The following RPH3AL variants were observed in gnomAD, a reference collection of about 807,000 sequenced individuals.
The protein encoded by RPH3AL is rabphilin 3A like (without C2 domains).
In RPH3AL, 38 loss-of-function variants were observed where a neutral mutation model predicts 43.1. The observed-to-expected ratio is 0.88, with a 90% CI of 0.68 to 1.15. The LOEUF is 1.15. RPH3AL is among the 50% of genes most tolerant of loss of function. The pLI, the probability that RPH3AL is intolerant of heterozygous loss-of-function variation, is 0.00. For synonymous variants in RPH3AL, 189 were observed against 176.3 expected (o/e 1.07, Z -0.57); for missense variants, 462 against 423.2 (o/e 1.09, Z -0.81).
intron 5 of RPH3AL, among the ~76,000 whole-genome samples, chr17:305,097 G>A (rs1394813195): frequency 3.4e-5 from 3 of 88,652 alleles, no homozygotes; most frequent in Non-Finnish European, 4.7e-5. Context: ...GGCGGGAGGG[G>A]GACAGGGCGA....
chr17:280,878 C>T (rs2042763374), intron 6 of RPH3AL, among the ~76,000 whole-genome samples: 2 of 152,136 alleles, frequency 1.3e-5, no homozygotes. Flanking sequence ...GACATCATGG[C>T]TGAGAATTTT....
intron 6 of RPH3AL, among the ~76,000 whole-genome samples, chr17:251,004 G>T (rs578086553): frequency 1.3e-5 from 2 of 152,346 alleles, no homozygotes; most frequent in Admixed American, 1.3e-4. Context: ...AATCTGCCTG[G>T]ATGGTTTTCC....
At chr17:222,301 A>C (rs1395972204) in intron 7 of RPH3AL, among the ~76,000 whole-genome samples, 1 of 152,278 alleles carries the variant, frequency 6.6e-6, no homozygotes, top group Non-Finnish European at 1.5e-5. Flanking sequence ...CCGGATTCTC[A>C]TCCTGGCAGG....
intron 7 of RPH3AL, among the ~76,000 whole-genome samples, chr17:235,824 G>A (rs879175213): frequency 1.2e-3 from 167 of 136,904 alleles, no homozygotes; most frequent in South Asian, 0.011. Context: ...GGGGTCGGCC[G>A]AGGCTCTACA....
At chr17:240,567 G>A (rs56227384) in intron 7 of RPH3AL, among the ~76,000 whole-genome samples, 7,018 of 152,102 alleles carry the variant, frequency 0.046, 545 homozygotes, top group African/African-American at 0.16. Flanking sequence ...TTTCGTCTCC[G>A]GCTTCTTCCA....
chr17:309,269 G>A (rs59476606), intron 5 of RPH3AL, among the ~76,000 whole-genome samples: 62,272 of 152,120 alleles, frequency 0.41, 15,212 homozygotes, highest in East Asian at 0.65. Flanking sequence ...CTCCAGCCTG[G>A]GCGGCAGAGC....
intron 5 of RPH3AL, among the ~76,000 whole-genome samples, chr17:291,684 T>G (rs2043052235): frequency 6.6e-6 from 1 of 151,908 alleles, no homozygotes; most frequent in African/African-American, 2.4e-5. Context: ...TCTTACTAGG[T>G]TTAGGGGAGA....
At chr17:269,794 GAA>G (rs1444726691) in intron 6 of RPH3AL, among the ~76,000 whole-genome samples, 2 of 152,226 alleles carry the variant, frequency 1.3e-5, no homozygotes, top group East Asian at 3.9e-4. Context: ...GCACTGTGCT[GAA>G]AGAGTCAGCA....
At chr17:239,221 C>A (rs2041471212) in intron 7 of RPH3AL, among the ~76,000 whole-genome samples, 1 of 152,210 alleles carries the variant, frequency 6.6e-6, no homozygotes, top group South Asian at 2.1e-4. Context: ...AGGTGCAGTG[C>A]AGTCACTGGG....
chr17:213,612 A>G lies in RPH3AL; in HGVS notation c.*240T>C. ...GATTGGGGGTGTGGGAGGGGAGGGT[A>G]ATAAATAAGGTCGGGGGCTGAGGGC... On this transcript the variant is annotated 3_prime_UTR_variant, in exon 10 of 10. Coordinates refer to ENST00000331302, the MANE Select transcript of RPH3AL (RefSeq NM_006987.4). 1 of 579,154 alleles carries G rather than the reference A, an allele frequency of 1.7e-6. No individual in the cohort carries two copies. Among genetic ancestry groups the G allele is most frequent in the South Asian group, 2.0e-5 (1 of 49,800 alleles). The allele number at this position is 579,154 out of a possible 1,614,324, so 35.9% of individuals were successfully genotyped here.
intron 5 of RPH3AL, among the ~76,000 whole-genome samples, chr17:292,935 G>A (rs2043080307): frequency 6.6e-6 from 1 of 152,240 alleles, no homozygotes; most frequent in African/African-American, 2.4e-5. Flanking sequence ...CCGGGTCTGA[G>A]ACAGAAGCCA....
At chr17:316,931 G>GA (rs1364656201) in intron 5 of RPH3AL, among the ~76,000 whole-genome samples, 5 of 90,234 alleles carry the variant, frequency 5.5e-5, no homozygotes, top group East Asian at 3.4e-4. Context: ...TAGTCTCTGT[G>GA]CTCCACCTCC....
chr17:279,189 G>A (rs1478455975), intron 6 of RPH3AL, among the ~76,000 whole-genome samples: 2 of 152,116 alleles, frequency 1.3e-5, no homozygotes, highest in African/African-American at 4.8e-5. Context: ...TTTCTAAGAA[G>A]AAAGGGCATT....
At position 215,058 on chromosome 17, in the gene RPH3AL, T is replaced by C. The variant is rs1017589044; in HGVS notation, c.876+596A>G. ...GCCCTCCACACCCCGGGGACGGAGA[T>C]CAGCTGCTGCCCTGGTGCATGCGTG... On this transcript the variant is annotated intron_variant, in intron 9 of 9. Coordinates refer to ENST00000331302, the MANE Select transcript of RPH3AL (RefSeq NM_006987.4). The surrounding 1 kb of genome is among the most constrained non-coding windows in gnomAD (Gnocchi z 4.1). Among the ~76,000 whole-genome samples the C allele has an allele frequency of 2.6e-5, 4 of 152,034 alleles. No homozygotes were observed. Among genetic ancestry groups the C allele is most frequent in the Non-Finnish European group, 5.9e-5 (4 of 67,990 alleles).
rs555541345 is a variant in RPH3AL, at chr17:307,650, C to G, written c.351+11770G>C. On this transcript the variant is annotated intron_variant, in intron 5 of 9. Transcript: ENST00000331302. Reference sequence around the variant, plus strand: ...GTCATGCAAAGCTCCGTCCAGAAAGCTCTGGGCCTTGCCAGGGATCCGTGT... The same window carrying G: ...GTCATGCAAAGCTCCGTCCAGAAAGGTCTGGGCCTTGCCAGGGATCCGTGT... 3.6e-4 allele frequency among the ~76,000 whole-genome samples: 55 copies of G among 152,358 alleles called. 2 individuals carry two copies. The East Asian group carries it at 9.6e-3, about 27-fold the overall frequency.
At chr17:315,464 C>A (rs2043972230) in intron 5 of RPH3AL, among the ~76,000 whole-genome samples, 2 of 151,864 alleles carry the variant, frequency 1.3e-5, no homozygotes, top group South Asian at 2.1e-4. Context: ...GACCTGTAGT[C>A]CCTGTGCTCC....
intron 6 of RPH3AL, among the ~76,000 whole-genome samples, chr17:275,936 G>A (rs542081037): frequency 6.7e-4 from 102 of 152,326 alleles, no homozygotes; most frequent in Non-Finnish European, 1.2e-3. Context: ...ACTAGAGTGT[G>A]CCAGTCCACA....
intron 5 of RPH3AL, among the ~76,000 whole-genome samples, chr17:316,718 G>GC (rs2044227852): frequency 1.4e-5 from 2 of 145,878 alleles, no homozygotes; most frequent in Admixed American, 1.4e-4. Flanking sequence ...TAGTCTCTGT[G>GC]CCCCACCTCC....
chr17:249,553 T>C (rs1324635039), intron 6 of RPH3AL, among the ~76,000 whole-genome samples: 2 of 151,954 alleles, frequency 1.3e-5, no homozygotes, highest in Non-Finnish European at 2.9e-5. Context: ...AGTGGGCCAA[T>C]TCCCTACTGG....
Sources: allele counts gnomAD v4.1 joint callset (sites outside exome capture counted in the v4.1 genomes callset), GRCh38; gene constraint gnomAD v4.1.1; non-coding constraint Gnocchi (gnomAD v3.1); transcripts MANE v1.5; gene names NCBI Gene and HGNC (gene_info 2026-07-23, HGNC 2026-07-21).